Variants in COP1 observed in about 807,000 individuals in gnomAD.
The protein encoded by COP1 is E3 ubiquitin-protein ligase COP1.
In COP1, 24 loss-of-function variants were observed where a neutral mutation model predicts 101.3. The observed-to-expected ratio is 0.24, with a 90% CI of 0.17 to 0.33. The LOEUF is 0.33. COP1 is among the 10% of genes least tolerant of loss of function. The pLI is 1.00. For synonymous variants in COP1, 347 were observed against 341.9 expected, an observed-to-expected ratio of 1.01 and a Z score of -0.17; for missense variants, 663 against 906.2, an observed-to-expected ratio of 0.73 and a Z score of 3.45.
chr1:175,984,190 C>T (rs903595010), intron 18 of COP1, among the ~76,000 whole-genome samples: 1 of 152,062 alleles, frequency 6.6e-6, no homozygotes, highest in Non-Finnish European at 1.5e-5. Flanking sequence ...GCCTGGAGAC[C>T]CCAGAGGAAA....
chr1:176,020,255 G>A (rs765639507), intron 15 of COP1, among the ~76,000 whole-genome samples: 1 of 147,292 alleles, frequency 6.8e-6, no homozygotes, highest in Non-Finnish European at 1.5e-5. Context: ...AAGTTGCAGT[G>A]AGCCAAGATC....
At chr1:176,180,490 C>T (rs1252758454) in intron 2 of COP1, among the ~76,000 whole-genome samples, 3 of 152,184 alleles carry the variant, frequency 2.0e-5, no homozygotes, top group East Asian at 1.9e-4. Flanking sequence ...ACACATATCT[C>T]GGGTCCACCT....
In COP1 at chr1:176,057,107, G is replaced by C. The variant is rs531242758; in HGVS notation, c.1278-10783C>G. Among the ~76,000 whole-genome samples the C allele has an allele frequency of 7.9e-5, 12 of 152,258 alleles. No homozygotes were observed. The East Asian group carries it at 2.1e-3, about 27-fold the overall frequency. On this transcript the variant is annotated intron_variant, in intron 11 of 19. Transcript: ENST00000367669. Reference sequence around the variant, plus strand: ...ACATAGAAAGACAAACTACCCCTGCGTTTCCAATATTTGCTGAACATTCCA... The same window carrying C: ...ACATAGAAAGACAAACTACCCCTGCCTTTCCAATATTTGCTGAACATTCCA...
intron 15 of COP1, among the ~76,000 whole-genome samples, chr1:175,993,912 C>T (rs1226349442): frequency 2.0e-5 from 3 of 152,148 alleles, no homozygotes; most frequent in East Asian, 1.9e-4. Flanking sequence ...AGATACTCCT[C>T]GAGAAGAGCA....
chr1:176,174,604 T>C (rs1490766184), intron 3 of COP1, among the ~76,000 whole-genome samples: 1 of 152,174 alleles, frequency 6.6e-6, no homozygotes, highest in Non-Finnish European at 1.5e-5. Context: ...AAAACTATTG[T>C]AGCTAAGGCA....
Position 175,993,670 on chromosome 1 carries a change from GA to G in COP1, c.1730-4192del, listed in dbSNP as rs536171054. Among the ~76,000 whole-genome samples, 85 of 152,298 alleles carry G rather than the reference GA, an allele frequency of 5.6e-4. 2 individuals are homozygous for G. The South Asian group carries it at 5.6e-3, about 10-fold the overall frequency. ...TGATGGAAGATGAAATGAATGAAAT[GA>G]AGCGAGAAGGGAAGTTTAGAGAAAA... On this transcript the variant is annotated intron_variant, in intron 15 of 19. Coordinates refer to ENST00000367669, the MANE Select transcript of COP1 (RefSeq NM_022457.7).
intron 11 of COP1, among the ~76,000 whole-genome samples, chr1:176,075,425 A>G (rs1677807405): frequency 6.6e-6 from 1 of 152,222 alleles, no homozygotes; most frequent in African/African-American, 2.4e-5. Flanking sequence ...TGACACGTTA[A>G]AACTTACCAA....
At chr1:175,945,196 T>C (rs953597077) in intron 19 of COP1, 26 bp from the exon 20 acceptor site, 6 of 1,509,592 alleles carry the variant, frequency 4.0e-6, no homozygotes, top group Non-Finnish European at 5.5e-6. Context: ...AAAGGATCCA[T>C]TTAATAAAAT....
intron 11 of COP1, among the ~76,000 whole-genome samples, chr1:176,069,424 G>C (rs556670510): frequency 3.9e-5 from 6 of 152,250 alleles, no homozygotes; most frequent in East Asian, 1.9e-4. Context: ...TACTCCCACA[G>C]TATTTTATTG....
intron 18 of COP1, among the ~76,000 whole-genome samples, chr1:175,959,284 A>G (rs544811093): frequency 1.4e-4 from 21 of 152,208 alleles, no homozygotes; most frequent in African/African-American, 4.6e-4. Context: ...CTCTCAGCAC[A>G]TTGAGAACTG....
chr1:176,122,270 C>T (rs1687267542), intron 8 of COP1, among the ~76,000 whole-genome samples: 1 of 152,020 alleles, frequency 6.6e-6, no homozygotes, highest in South Asian at 2.1e-4. Context: ...ACACATCTGA[C>T]ATCATGTTTT....
intron 11 of COP1, among the ~76,000 whole-genome samples, chr1:176,060,245 A>T (rs1303415916): frequency 6.6e-6 from 1 of 152,190 alleles, no homozygotes. Flanking sequence ...ACTACCTGAT[A>T]GACTATATTC....
chr1:176,008,247 A>G (rs1663892334), intron 15 of COP1, among the ~76,000 whole-genome samples: 2 of 152,188 alleles, frequency 1.3e-5, no homozygotes, highest in South Asian at 4.1e-4. Context: ...ACTGTCTGGC[A>G]CTTCCTAGTG....
chr1:176,100,583 T>A (rs1156237227), intron 9 of COP1, among the ~76,000 whole-genome samples: 1 of 152,090 alleles, frequency 6.6e-6, no homozygotes, highest in Non-Finnish European at 1.5e-5. Context: ...GGATGGGTAA[T>A]GTAGAAATCT....
Position 176,033,104 on chromosome 1 carries a change from T to C in COP1, c.1613-5416A>G, listed in dbSNP as rs1668900673. The stretch of plus-strand genomic sequence containing the variant: ...CAGTTGTCACTTGTGCATTAACTTA[T>C]GCAACTAAGAAAATTTGGAATGAAG... On this transcript the variant is annotated intron_variant, in intron 14 of 19. Transcript: ENST00000367669. Among the ~76,000 whole-genome samples the C allele has an allele frequency of 3.3e-5, 5 of 152,150 alleles. No individual in the cohort carries two copies. In the South Asian group the frequency reaches 1.0e-3, roughly 32 times the overall value.
At chr1:176,156,995 C>T (rs1693549699) in intron 5 of COP1, among the ~76,000 whole-genome samples, 3 of 152,006 alleles carry the variant, frequency 2.0e-5, no homozygotes, top group Non-Finnish European at 2.9e-5. Flanking sequence ...GCCAGGAGTT[C>T]GAGACCAGCC....
chr1:175,957,563 C>T (rs1307222697), intron 18 of COP1, among the ~76,000 whole-genome samples: 2 of 152,196 alleles, frequency 1.3e-5, no homozygotes, highest in Non-Finnish European at 2.9e-5. Context: ...TTTCTCAAAA[C>T]GTATCCCCAT....
At chr1:176,172,846 T>TA (rs991159359) in intron 3 of COP1, among the ~76,000 whole-genome samples, 6 of 152,192 alleles carry the variant, frequency 3.9e-5, no homozygotes, top group African/African-American at 1.4e-4. Context: ...ACACCTAGTG[T>TA]AAGACCTTAG....
chr1:176,113,301 A>G (rs77666630), intron 9 of COP1, among the ~76,000 whole-genome samples: 1 of 152,282 alleles, frequency 6.6e-6, no homozygotes, highest in East Asian at 1.9e-4. Flanking sequence ...ATGGTTAGTG[A>G]TAAGTATTTT....
Sources: allele counts gnomAD v4.1 joint callset (sites outside exome capture counted in the v4.1 genomes callset), GRCh38; gene constraint gnomAD v4.1.1; transcripts MANE v1.5; gene names NCBI Gene and HGNC (gene_info 2026-07-23, HGNC 2026-07-21).